Variants in CEP128 observed in about 807,000 individuals in gnomAD.
CEP128 encodes centrosomal protein 128, also known as centrosomal protein 128kDa.
In CEP128, 132 loss-of-function variants were observed where a neutral mutation model predicts 156.7. The ratio of observed to expected loss-of-function variants is 0.84; its 90% CI spans 0.73 to 0.97. The LOEUF is 0.97. Ranked by LOEUF, CEP128 falls within the 50% of genes least tolerant of loss-of-function variation. The probability of loss-of-function intolerance (pLI) is 0.00; values close to 1 mark genes in which losing one functional copy is unlikely to be tolerated. For missense variants in CEP128, 1,252 were observed against 1,281.9 expected (o/e 0.98, Z 0.36); for synonymous variants, 469 against 448.9 (o/e 1.04, Z -0.57).
intron 9 of CEP128, among the ~76,000 whole-genome samples, chr14:80,846,651 GA>G (rs1490456993): frequency 4.6e-5 from 7 of 152,142 alleles, no homozygotes; most frequent in Non-Finnish European, 1.0e-4. Flanking sequence ...GAATGGAGCA[GA>G]AAGTATATTG....
At chr14:80,857,195 T>C (rs758226036) in intron 9 of CEP128, among the ~76,000 whole-genome samples, 40 of 148,706 alleles carry the variant, frequency 2.7e-4, no homozygotes, top group Non-Finnish European at 3.9e-4. Flanking sequence ...ATATTGAACC[T>C]GCAAAAAAAG....
At chr14:80,674,532 G>T (rs1384263938) in intron 19 of CEP128, among the ~76,000 whole-genome samples, 1 of 152,006 alleles carries the variant, frequency 6.6e-6, no homozygotes, top group Non-Finnish European at 1.5e-5. Flanking sequence ...ATGTGTAAGG[G>T]ATTAATTTTC....
At chr14:80,800,617 A>G (rs1883785040) in intron 13 of CEP128, among the ~76,000 whole-genome samples, 1 of 152,056 alleles carries the variant, frequency 6.6e-6, no homozygotes, top group Admixed American at 6.6e-5. Context: ...GACAAGAGGA[A>G]CTCCTGAAGA....
chr14:80,950,906 GAAAAAAAA>G (rs59969729), intron 2 of CEP128, among the ~76,000 whole-genome samples: 1 of 115,060 alleles, frequency 8.7e-6, no homozygotes, highest in East Asian at 2.5e-4. Flanking sequence ...TCCCGAGTAA[GAAAAAAAA>G]AAAAAAAAAA....
chr14:80,742,017 C>T (rs554463127), intron 19 of CEP128, among the ~76,000 whole-genome samples: 31 of 152,272 alleles, frequency 2.0e-4, no homozygotes, highest in African/African-American at 7.0e-4. Context: ...GTAATCAAAA[C>T]TCTTTTTACC....
chr14:80,766,028 T>C (rs1900221457), intron 16 of CEP128, among the ~76,000 whole-genome samples: 1 of 152,186 alleles, frequency 6.6e-6, no homozygotes, highest in Middle Eastern at 3.2e-3. Flanking sequence ...TTATCATAAA[T>C]GAAAATATAT....
intron 16 of CEP128, among the ~76,000 whole-genome samples, chr14:80,769,906 T>C (rs1595372654): frequency 6.6e-6 from 1 of 152,256 alleles, no homozygotes; most frequent in East Asian, 1.9e-4. Context: ...CCAGCTAAGA[T>C]TGCTTAACTG....
At position 80,504,942 on chromosome 14, in the gene CEP128, G is replaced by A; in HGVS notation, c.3151C>T (p.Leu1051=). 3 of 1,604,092 alleles carry A rather than the reference G, an allele frequency of 1.9e-6. No individual in the cohort carries two copies. The highest frequency in any genetic ancestry group is 2.6e-6 in the Non-Finnish European group (3 of 1,173,834). The part of the protein sequence containing the change: ...SSSWQDHSRF[L]SSPRFSYVNS... ...ACGTATGAAAATCTTGGACTAGACA[G>A]GAAGCGACTGTGATCCTGCCAAGAG... Residue 1051 remains leucine (L), a synonymous_variant, in exon 24 of 25, where the codon CTG becomes TTG. Coordinates refer to ENST00000555265, the MANE Select transcript of CEP128 (RefSeq NM_152446.5).
exon 15 of CEP128, chr14:80,477,469 A>G (rs1329593128): frequency 2.6e-5 from 4 of 152,234 alleles, no homozygotes; most frequent in Admixed American, 2.0e-4. Context: ...CATAAATAAA[A>G]GAATTATGAA....
intron 19 of CEP128, among the ~76,000 whole-genome samples, chr14:80,678,099 T>C (rs1255334894): frequency 6.8e-6 from 1 of 147,546 alleles, no homozygotes; most frequent in Non-Finnish European, 1.5e-5. Flanking sequence ...CATGACACAG[T>C]AGCTGAAGTT....
In CEP128 at chr14:80,642,989, C is replaced by G. The variant is rs369273614; in HGVS notation, c.2807-62566G>C. On this transcript the variant is annotated intron_variant, in intron 19 of 24. Coordinates refer to ENST00000555265, the MANE Select transcript of CEP128 (RefSeq NM_152446.5). ...CAGGATGGTCTGGATCTCCTGACCT[C>G]GTGATCTGCCTGCCTCAGCCTCCCA... 2.4e-3 allele frequency among the ~76,000 whole-genome samples: 358 copies of G among 152,056 alleles called. 2 individuals are homozygous for G. Among genetic ancestry groups the G allele is most frequent in the African/African-American group, 7.9e-3 (327 of 41,464 alleles).
intron 6 of CEP128, among the ~76,000 whole-genome samples, chr14:80,901,123 G>A (rs1421911098): frequency 6.6e-6 from 1 of 151,720 alleles, no homozygotes; most frequent in Non-Finnish European, 1.5e-5. Flanking sequence ...GGAGAATGGC[G>A]TGAACCCGGG....
intron 12 of CEP128, among the ~76,000 whole-genome samples, chr14:80,835,568 T>C (rs935358481): frequency 2.0e-5 from 3 of 152,176 alleles, no homozygotes; most frequent in African/African-American, 7.2e-5. Flanking sequence ...ACTCACCTAA[T>C]AGAAACAATT....
At chr14:80,600,616 C>T (rs1395441118) in intron 19 of CEP128, among the ~76,000 whole-genome samples, 1 of 151,946 alleles carries the variant, frequency 6.6e-6, no homozygotes, top group East Asian at 1.9e-4. Context: ...CAAGTCCACA[C>T]AAATAAATAA....
At chr14:80,790,216 GAAACAAAACA>G (rs991852188) in intron 14 of CEP128, among the ~76,000 whole-genome samples, 1 of 150,562 alleles carries the variant, frequency 6.6e-6, no homozygotes, top group South Asian at 2.2e-4. Context: ...TTCAGCAGGG[GAAACAAAACA>G]AAACAAAACA....
At chr14:80,894,552 A>G in intron 8 of CEP128, 2 of 438,280 alleles carry the variant, frequency 4.6e-6, no homozygotes, top group South Asian at 1.7e-5. Flanking sequence ...CTTTATGCAA[A>G]AAAAAAATAT....
intron 19 of CEP128, among the ~76,000 whole-genome samples, chr14:80,624,640 A>G (rs1283201331): frequency 6.6e-6 from 1 of 151,964 alleles, no homozygotes; most frequent in East Asian, 1.9e-4. Flanking sequence ...GAGATATTTC[A>G]CTGTGGTTTT....
chr14:80,859,225 G>A (rs1361985807), intron 9 of CEP128, among the ~76,000 whole-genome samples: 1 of 134,002 alleles, frequency 7.5e-6, no homozygotes, highest in African/African-American at 2.6e-5. Context: ...CCATAAAAAA[G>A]GATGAGTTCA....
intron 23 of CEP128, 137 bp from the exon 24 acceptor site, chr14:80,505,157 C>G: frequency 2.8e-6 from 1 of 356,278 alleles, no homozygotes; most frequent in Non-Finnish European, 5.1e-6. Flanking sequence ...ATTATAATCA[C>G]TGTAAAAATA....
Sources: gnomAD v4.1 joint callset for allele counts (sites outside exome capture counted in the v4.1 genomes callset) on GRCh38, gnomAD v4.1.1 for gene constraint, MANE v1.5 for transcripts, NCBI Gene and HGNC (gene_info 2026-07-23, HGNC 2026-07-21) for gene names.